The following CDH23 variants were observed in gnomAD, a reference collection of about 807,000 sequenced individuals.
CDH23 encodes cadherin-23.
Under a neutral mutation model 317.1 loss-of-function variants are expected in CDH23, and 189 were observed. That is an observed-to-expected ratio of 0.60 (90% CI 0.53 to 0.67). The LOEUF (loss-of-function observed/expected upper bound fraction) is 0.67. Ranked by LOEUF, CDH23 falls within the 30% of genes least tolerant of loss-of-function variation. The pLI, the probability that CDH23 is intolerant of heterozygous loss-of-function variation, is 0.00. For missense variants in CDH23, 4,401 were observed against 4,592.4 expected, an observed-to-expected ratio of 0.96 and a Z score of 1.20; for synonymous variants, 1,839 against 1,876.8, an observed-to-expected ratio of 0.98 and a Z score of 0.52.
chr10:71,704,162 T>A (rs1016658174), intron 24 of CDH23, among the ~76,000 whole-genome samples: 14 of 152,214 alleles, frequency 9.2e-5, no homozygotes, highest in African/African-American at 3.1e-4. Flanking sequence ...GGATGTGAAA[T>A]AGATCAGACG....
At chr10:71,597,169 C>T (rs1274539333) in intron 9 of CDH23, among the ~76,000 whole-genome samples, 2 of 151,998 alleles carry the variant, frequency 1.3e-5, no homozygotes, top group African/African-American at 4.8e-5. Flanking sequence ...GATTGATAAC[C>T]CAGGCCTGGG....
At chr10:71,811,690 A>C in intron 64 of CDH23, 23 bp from the exon 65 acceptor site, 1 of 1,612,414 alleles carries the variant, frequency 6.2e-7, no homozygotes, top group Non-Finnish European at 8.5e-7. Context: ...CCCCCTCACC[A>C]GCCCCTCTCT....
At chr10:71,775,943 C>T (rs1265401130) in intron 38 of CDH23, among the ~76,000 whole-genome samples, 2 of 152,120 alleles carry the variant, frequency 1.3e-5, no homozygotes, top group Non-Finnish European at 2.9e-5. Context: ...CCTTACTTGC[C>T]GGCAAGAATA....
Position 71,725,522 on chromosome 10 carries a change from T to C in CDH23, c.3579+2T>C, listed in dbSNP as rs1385831846. On this transcript the variant is annotated splice_donor_variant, in intron 30 of 69. Transcript: ENST00000224721. LOFTEE classifies it high-confidence loss of function. Reference sequence around the variant, plus strand: ...GGCCCCATGCGGAGCTCCGTCAGGGTGAGGCTAGGGGCGGGCTGGGGTGCT... The same window carrying C: ...GGCCCCATGCGGAGCTCCGTCAGGGCGAGGCTAGGGGCGGGCTGGGGTGCT... The C allele has an allele frequency of 2.5e-6, 4 of 1,612,288 alleles. No individual in the cohort carries two copies. The highest frequency in any genetic ancestry group is 1.7e-6 in the Non-Finnish European group (2 of 1,179,208).
rs1289055534 is a variant in CDH23, at chr10:71,759,820, T to TACACACACACACAC, written c.4846-17846_4846-17833dup. ...GAGTGAAACCGTGTTTCAGAAAATATACACACACACACACACACACACACA... is the reference window on the plus strand; with the variant it reads ...GAGTGAAACCGTGTTTCAGAAAATATACACACACACACACACACACACACACACACACACACACA... On this transcript the variant is annotated intron_variant, in intron 38 of 69. Coordinates refer to ENST00000224721, the MANE Select transcript of CDH23 (RefSeq NM_022124.6). Among the ~76,000 whole-genome samples the TACACACACACACAC allele has an allele frequency of 7.5e-4, 64 of 85,332 alleles. 3 individuals carry two copies. Among genetic ancestry groups the TACACACACACACAC allele is most frequent in the Non-Finnish European group, 1.2e-3 (49 of 39,302 alleles). 56.0% of individuals were successfully genotyped at this position (85,332 alleles called of 152,430 possible).
chr10:71,532,963 C>T (rs1855486767), intron 6 of CDH23, among the ~76,000 whole-genome samples: 1 of 152,142 alleles, frequency 6.6e-6, no homozygotes, highest in African/African-American at 2.4e-5. Flanking sequence ...AACTCCTGAC[C>T]TCAAGTGATC....
chr10:71,722,001 C>T (rs1011851007), intron 28 of CDH23, among the ~76,000 whole-genome samples: 1 of 152,246 alleles, frequency 6.6e-6, no homozygotes, highest in Non-Finnish European at 1.5e-5. Flanking sequence ...CCTTTGGAAA[C>T]CTTCAGCCAA....
At chr10:71,485,023 C>CTTTTTTTTTTTTTTTTTTTTTTTTTTT (rs56153129) in intron 3 of CDH23, among the ~76,000 whole-genome samples, 1 of 110,152 alleles carries the variant, frequency 9.1e-6, no homozygotes, top group African/African-American at 3.6e-5. Flanking sequence ...TTTCTTTTTT[C>CTTTTTTTTTTTTTTTTTTTTTTTTTTT]TTTTTTTTTT....
At chr10:71,414,047 TTGTGTG>T (rs34017042) in intron 1 of CDH23, among the ~76,000 whole-genome samples, 2,417 of 142,976 alleles carry the variant, frequency 0.017, 69 homozygotes, top group African/African-American at 0.058. Context: ...CTCCTGGGTT[TTGTGTG>T]TGTGTGTGTG....
intron 26 of CDH23, among the ~76,000 whole-genome samples, chr10:71,708,171 G>C (rs1865857652): frequency 6.6e-6 from 1 of 152,136 alleles, no homozygotes; most frequent in African/African-American, 2.4e-5. Context: ...CAGACACTGG[G>C]GAGCACTGGA....
chr10:71,541,462 G>A (rs1855985786), intron 6 of CDH23, among the ~76,000 whole-genome samples: 1 of 152,340 alleles, frequency 6.6e-6, no homozygotes, highest in East Asian at 1.9e-4. Context: ...TGGGCTAGAG[G>A]GCAGGTCCCA....
At chr10:71,635,102 A>T (rs988205855) in intron 11 of CDH23, 1 of 152,376 alleles carries the variant, frequency 6.6e-6, no homozygotes, top group Non-Finnish European at 1.5e-5. Context: ...GTAAAGTATA[A>T]CTGGGCTTTG....
chr10:71,512,506 G>A (rs1391496636), intron 6 of CDH23, among the ~76,000 whole-genome samples: 1 of 152,210 alleles, frequency 6.6e-6, no homozygotes, highest in Admixed American at 6.5e-5. Context: ...CTACGTGCCA[G>A]CCTGCACTCC....
chr10:71,623,448 T>C (rs1369330926), intron 11 of CDH23, among the ~76,000 whole-genome samples: 1 of 152,190 alleles, frequency 6.6e-6, no homozygotes, highest in African/African-American at 2.4e-5. Flanking sequence ...TGCAGCCTCA[T>C]CGGGGGCAGG....
chr10:71,683,196 G>A (rs973054963), intron 18 of CDH23, among the ~76,000 whole-genome samples: 2 of 152,178 alleles, frequency 1.3e-5, no homozygotes, highest in African/African-American at 2.4e-5. Context: ...CGGGACCAAT[G>A]GGCCCCTCCG....
At chr10:71,411,969 C>T (rs112668357) in intron 1 of CDH23, among the ~76,000 whole-genome samples, 5 of 152,326 alleles carry the variant, frequency 3.3e-5, no homozygotes, top group African/African-American at 9.6e-5. Context: ...CTCCCCATTC[C>T]TTCTCCCATC....
intron 3 of CDH23, among the ~76,000 whole-genome samples, chr10:71,455,354 GT>G (rs113208654): frequency 0.024 from 3,605 of 148,276 alleles, 138 homozygotes; most frequent in African/African-American, 0.083. Flanking sequence ...TCCCACTAAT[GT>G]TTTTTTTTTC....
intron 14 of CDH23, among the ~76,000 whole-genome samples, chr10:71,656,917 G>A (rs996678625): frequency 2.0e-5 from 3 of 152,332 alleles, no homozygotes; most frequent in African/African-American, 7.2e-5. Context: ...GAATAGGCGG[G>A]GGGTAGGGGA....
intron 6 of CDH23, among the ~76,000 whole-genome samples, chr10:71,517,564 G>GT (rs1854403720): frequency 6.6e-6 from 1 of 152,094 alleles, no homozygotes; most frequent in Admixed American, 6.5e-5. Flanking sequence ...AAGCTGGGGG[G>GT]GAGATGCGAG....
Sources: gnomAD v4.1 joint callset for allele counts (sites outside exome capture counted in the v4.1 genomes callset) on GRCh38, gnomAD v4.1.1 for gene constraint, MANE v1.5 for transcripts, NCBI Gene and HGNC (gene_info 2026-07-23, HGNC 2026-07-21) for gene names.